TRDMT1: variants seen among roughly 807,000 people sequenced by gnomAD.
TRDMT1 encodes the protein tRNA aspartic acid methyltransferase 1.
A neutral mutation model predicts 51.2 loss-of-function variants in TRDMT1; 49 were observed. The observed-to-expected ratio is 0.96, with a 90% CI of 0.76 to 1.21. The LOEUF (loss-of-function observed/expected upper bound fraction) is 1.21. TRDMT1 is among the 50% of genes most tolerant of loss of function. TRDMT1 has a pLI of 0.00. For missense variants in TRDMT1, 534 were observed against 462.3 expected, an observed-to-expected ratio of 1.16 and a Z score of -1.42; for synonymous variants, 187 against 164.6, an observed-to-expected ratio of 1.14 and a Z score of -1.04.
At chr10:17,153,310 G>A in intron 10 of TRDMT1, 197 bp downstream of exon 10, 2 of 602,180 alleles carry the variant, frequency 3.3e-6, no homozygotes, top group Non-Finnish European at 5.6e-6. Flanking sequence ...TAGAGAGGGG[G>A]AGAATGAGTC....
Position 17,143,822 on chromosome 10 carries a change from G to A in TRDMT1, c.*5218C>T. 1 of 985,436 alleles carries A rather than the reference G, an allele frequency of 1.0e-6. No individual in the cohort carries two copies. The highest frequency in any genetic ancestry group is 1.2e-6 in the Non-Finnish European group (1 of 829,940). The allele number at this position is 985,436 out of a possible 1,614,324, so 61.0% of individuals were successfully genotyped here. A position where few individuals can be genotyped will look rare whatever the true frequency, so the allele number is the denominator to read the frequency against. On this transcript the variant is annotated 3_prime_UTR_variant, in exon 11 of 11. Transcript: ENST00000377799. ...ATCTTTGGTTATGAAGCTTGAACTT[G>A]GAAGATGTGGAGACTAACCGTACCA...
At chr10:17,162,268 A>G (rs1166584241) in intron 3 of TRDMT1, 31 bp from the exon 4 acceptor site, 3 of 1,524,580 alleles carry the variant, frequency 2.0e-6, no homozygotes, top group Non-Finnish European at 2.7e-6. Flanking sequence ...AAAAACAAAA[A>G]AAAACACAGA....
At position 17,153,414 on chromosome 10, in the gene TRDMT1, C is replaced by T. The variant is rs187284840; in HGVS notation, c.1075+93G>A. Reference sequence around the variant, plus strand: ...GGAAAGGAAAGAGGTTTCTTGAGCCCATTTGTTTAGGCAAGTCCTAGACAC... The same window carrying T: ...GGAAAGGAAAGAGGTTTCTTGAGCCTATTTGTTTAGGCAAGTCCTAGACAC... On this transcript the variant is annotated intron_variant, in intron 10 of 10. Coordinates refer to ENST00000377799, the MANE Select transcript of TRDMT1 (RefSeq NM_004412.7). 2.8e-5 allele frequency: 40 copies of T among 1,433,820 alleles called. No homozygotes were observed. In the East Asian group the frequency reaches 5.4e-4, roughly 19 times the overall value. The allele number at this position is 1,433,820 out of a possible 1,614,324, so 88.8% of individuals were successfully genotyped here.
Position 17,153,612 on chromosome 10 carries a change from T to C in TRDMT1, c.970A>G (p.Thr324Ala). Residue 324 changes from threonine (T) to alanine (A), a missense_variant, in exon 10 of 11, where the codon ACC (threonine) becomes GCC (alanine). By Grantham distance (58) the Thr-to-Ala change is moderately conservative. Transcript: ENST00000377799. Reference sequence around the variant, plus strand: ...ATCTGTTCTTCTTGTGACAAATTGGTAAGGGATTTGTAGATATTCTCAACC... The same window carrying C: ...ATCTGTTCTTCTTGTGACAAATTGGCAAGGGATTTGTAGATATTCTCAACC... The part of the protein sequence containing the change: ...VQVENIYKSL[T>A]NLSQEEQITK... 1 of 1,600,816 alleles carries C rather than the reference T, an allele frequency of 6.2e-7. No homozygotes were observed. Among genetic ancestry groups the C allele is most frequent in the Non-Finnish European group, 8.5e-7 (1 of 1,174,620 alleles).
chr10:17,153,482 T>A, intron 10 of TRDMT1, 25 bp downstream of exon 10: 2 of 1,611,430 alleles, frequency 1.2e-6, no homozygotes, highest in Admixed American at 3.4e-5. Flanking sequence ...ACATGAAAGC[T>A]GAATTCTGCA....
intron 3 of TRDMT1, among the ~76,000 whole-genome samples, chr10:17,162,950 T>C (rs1376581774): frequency 6.6e-6 from 1 of 152,176 alleles, no homozygotes; most frequent in East Asian, 1.9e-4. Flanking sequence ...ACACATGTGC[T>C]GGCTGACTAC....
chr10:17,185,985 C>T (rs191718395), intron 1 of TRDMT1, among the ~76,000 whole-genome samples: 187 of 151,752 alleles, frequency 1.2e-3, no homozygotes, highest in Admixed American at 3.7e-3. Context: ...AGCACACCAA[C>T]GGCACATGTA....
intron 1 of TRDMT1, 129 bp downstream of exon 1, chr10:17,201,442 G>C: frequency 1.1e-6 from 1 of 886,052 alleles, no homozygotes; most frequent in Non-Finnish European, 1.6e-6. Context: ...GGACAACCGA[G>C]GGCCGCCCCA....
chr10:17,193,974 C>T (rs1057071621), intron 1 of TRDMT1, among the ~76,000 whole-genome samples: 11 of 151,968 alleles, frequency 7.2e-5, no homozygotes, highest in Admixed American at 7.2e-4. Context: ...ATCAGACAAA[C>T]GAAACAGAAT....
rs752560374 is a variant in TRDMT1, at chr10:17,142,845, C to G, written c.*6195G>C. The G allele has an allele frequency of 2.9e-5, 13 of 446,534 alleles. No homozygotes were observed. Among genetic ancestry groups the G allele is most frequent in the Non-Finnish European group, 3.9e-5 (13 of 337,412 alleles). 27.7% of individuals were successfully genotyped at this position (446,534 alleles called of 1,614,324 possible). ...TCCCTCCGCAGTGTGTCTTCCTGGT[C>G]CCACCTTTCAGAATTCTCCTTCTGA... On this transcript the variant is annotated 3_prime_UTR_variant, in exon 11 of 11. Transcript: ENST00000377799.
Position 17,144,155 on chromosome 10 carries a change from C to T in TRDMT1, c.*4885G>A, listed in dbSNP as rs1837909591. 1 of 985,438 alleles carries T rather than the reference C, an allele frequency of 1.0e-6. No individual in the cohort carries two copies. Among genetic ancestry groups the T allele is most frequent in the African/African-American group, 1.7e-5 (1 of 57,222 alleles). 61.0% of individuals were successfully genotyped at this position (985,438 alleles called of 1,614,324 possible). On this transcript the variant is annotated 3_prime_UTR_variant, in exon 11 of 11. Coordinates refer to ENST00000377799, the MANE Select transcript of TRDMT1 (RefSeq NM_004412.7). ...GATAAGTCAGCTCCAAGCCTCTGCT[C>T]TTCTTTTTCTCTTTCTCTCTTTCAC...
chr10:17,157,675 C>T lies in TRDMT1; in HGVS notation c.653G>A (p.Gly218Asp), dbSNP rs1839731422. 1 of 1,613,232 alleles carries T rather than the reference C, an allele frequency of 6.2e-7. No homozygotes were observed. The highest frequency in any genetic ancestry group is 1.1e-5 in the South Asian group (1 of 90,996). ...KNVEPNISFD[G>D]SIQCSGKDAI... The stretch of plus-strand genomic sequence containing the variant: ...ATCTTTTCCAGAACACTGTATGCTG[C>T]CATCAAAGCTAATATTTGGTTCAAC... The change falls in exon 8 of 11, where the codon GGC becomes GAC. Residue 218 changes from glycine (G) to aspartate (D), a missense_variant. Gly to Asp is a moderately conservative substitution (Grantham distance 94). Coordinates refer to ENST00000377799, the MANE Select transcript of TRDMT1 (RefSeq NM_004412.7).
chr10:17,188,565 T>A (rs150949257), intron 1 of TRDMT1, among the ~76,000 whole-genome samples: 1 of 152,332 alleles, frequency 6.6e-6, no homozygotes, highest in East Asian at 1.9e-4. Flanking sequence ...TATACAGCAC[T>A]ATCTTAGCAT....
chr10:17,145,957 C>G lies in TRDMT1; in HGVS notation c.*3083G>C. On this transcript the variant is annotated 3_prime_UTR_variant, in exon 11 of 11. Coordinates refer to ENST00000377799, the MANE Select transcript of TRDMT1 (RefSeq NM_004412.7). ...CCAGCTTAATCACTCTAGACCTCAA[C>G]TAGGTTGAGATGGGAGCAAAAACCC... is the stretch of plus-strand genomic sequence containing the variant. 1.0e-6 allele frequency: 1 copy of G among 985,440 alleles called. No individual in the cohort carries two copies. Among genetic ancestry groups the G allele is most frequent in the Non-Finnish European group, 1.2e-6 (1 of 829,926 alleles). 61.0% of individuals were successfully genotyped at this position (985,440 alleles called of 1,614,324 possible). A position where few individuals can be genotyped will look rare whatever the true frequency, so the allele number is the denominator to read the frequency against.
intron 9 of TRDMT1, among the ~76,000 whole-genome samples, chr10:17,153,892 A>C (rs1046986338): frequency 2.0e-5 from 3 of 152,220 alleles, no homozygotes; most frequent in African/African-American, 7.2e-5. Flanking sequence ...TTGAGCCCTT[A>C]AAATCATAAG....
rs1259734838 is a variant in TRDMT1 at position 17,141,352 on chromosome 10, G to T, written c.*7688C>A. On this transcript the variant is annotated 3_prime_UTR_variant, in exon 11 of 11. Transcript: ENST00000377799. ...AATTTTTTTGATTTTAGTAGAGACG[G>T]GGTTTCACCATGTTGGAAAGGATGG... Among the ~76,000 whole-genome samples the T allele has an allele frequency of 6.6e-6, 1 of 152,054 alleles. No homozygotes were observed. Among genetic ancestry groups the T allele is most frequent in the Non-Finnish European group, 1.5e-5 (1 of 68,014 alleles).
chr10:17,157,211 T>C (rs1241419808), intron 8 of TRDMT1, among the ~76,000 whole-genome samples: 1 of 152,158 alleles, frequency 6.6e-6, no homozygotes, highest in East Asian at 1.9e-4. Context: ...ACCAAACAAA[T>C]GACATTGTCT....
At chr10:17,173,897 T>C (rs1842338337) in intron 2 of TRDMT1, among the ~76,000 whole-genome samples, 1 of 151,716 alleles carries the variant, frequency 6.6e-6, no homozygotes, top group African/African-American at 2.4e-5. Context: ...CCCAAGTAGC[T>C]GGGACTACAG....
In TRDMT1 at chr10:17,144,546, A is replaced by G. The variant is rs1837941624; in HGVS notation, c.*4494T>C. The G allele has an allele frequency of 1.0e-6, 1 of 985,696 alleles. No homozygotes were observed. The allele number at this position is 985,696 out of a possible 1,614,324, so 61.1% of individuals were successfully genotyped here. On this transcript the variant is annotated 3_prime_UTR_variant, in exon 11 of 11. Coordinates refer to ENST00000377799, the MANE Select transcript of TRDMT1 (RefSeq NM_004412.7). Reference sequence around the variant, plus strand: ...TCAGTAAGTGCTGGATGTGGCTGAAAGTAAGACTCAGAATCTATGGTAAAT... The same window carrying G: ...TCAGTAAGTGCTGGATGTGGCTGAAGGTAAGACTCAGAATCTATGGTAAAT...
Sources: gnomAD v4.1 joint callset for allele counts (sites outside exome capture counted in the v4.1 genomes callset) on GRCh38, gnomAD v4.1.1 for gene constraint, MANE v1.5 for transcripts, NCBI Gene and HGNC (gene_info 2026-07-23, HGNC 2026-07-21) for gene names.